Variants in PDZD7 observed in about 807,000 individuals in gnomAD.
PDZD7 encodes PDZ domain containing 7, also known as PDZ domain-containing protein 7.
Under a neutral mutation model 84.7 loss-of-function variants are expected in PDZD7, and 72 were observed. That is an observed-to-expected ratio of 0.85 (90% CI 0.70 to 1.03). PDZD7 has a LOEUF of 1.03. Among genes scored for constraint, PDZD7 ranks in the 50% least tolerant of loss-of-function variants. The probability of loss-of-function intolerance (pLI) is 0.00; values close to 1 mark genes in which losing one functional copy is unlikely to be tolerated. For missense variants in PDZD7, 1,490 were observed against 1,412.9 expected (o/e 1.05, Z -0.87); for synonymous variants, 594 against 580.7 (o/e 1.02, Z -0.33).
rs1194699047 is a variant in PDZD7 at position 101,023,459 on chromosome 10, C to T, written c.519G>A (p.Lys173=). The part of the protein sequence containing the change: ...VRRMGRVPGI[K]FSKEKTTWVD... ...ACCACGTGGTCTTCTCCTTGGAGAA[C>T]TTGATGCCCGGCACACGGCCCATGC... The change falls in exon 4 of 17, where the codon AAG becomes AAA. Residue 173 remains lysine, a synonymous_variant. Transcript: ENST00000619208. 2 of 1,613,958 alleles carry T rather than the reference C, an allele frequency of 1.2e-6. No homozygotes were observed. The highest frequency in any genetic ancestry group is 1.7e-6 in the Non-Finnish European group (2 of 1,180,022).
rs1554834939 is a variant in PDZD7 at position 101,018,307 on chromosome 10, G to A, written c.1325-11C>T. ...GCTGCTGCTTCTCCTCTGCAGACAC[G>A]AGGGAGCAACGGGGGAGCTGGAGGG... is the stretch of plus-strand genomic sequence containing the variant. On this transcript the variant is annotated splice_polypyrimidine_tract_variant and intron_variant, in intron 8 of 16. Coordinates refer to ENST00000619208, the MANE Select transcript of PDZD7 (RefSeq NM_001195263.2). 3 of 1,613,278 alleles carry A rather than the reference G, an allele frequency of 1.9e-6. No individual in the cohort carries two copies. Among genetic ancestry groups the A allele is most frequent in the South Asian group, 2.2e-5 (2 of 91,040 alleles).
chr10:101,010,370 G>A lies in PDZD7; in HGVS notation c.2519C>T (p.Ser840Leu), dbSNP rs1852352066. 2.6e-6 allele frequency: 4 copies of A among 1,536,134 alleles called. No homozygotes were observed. The highest frequency in any genetic ancestry group is 1.7e-4 in the Middle Eastern group (1 of 5,990). ...AAKVGAKQGP[S>L]ESGTEGTAKE... is the part of the protein sequence containing the mutation. The stretch of plus-strand genomic sequence containing the variant: ...GGCCGTCCCCTCAGTTCCACTCTCC[G>A]AGGGCCCTTGCTTGGCCCCCACCTT... The change falls in exon 15 of 17, where the codon TCG becomes TTG. Residue 840 changes from serine (S) to leucine (L), a missense_variant. Ser to Leu is a moderately radical substitution (Grantham distance 145). Coordinates refer to ENST00000619208, the MANE Select transcript of PDZD7 (RefSeq NM_001195263.2).
intron 9 of PDZD7, chr10:101,017,280 C>G: frequency 3.9e-6 from 1 of 254,362 alleles, no homozygotes; most frequent in Non-Finnish European, 7.4e-6. Flanking sequence ...CCCACAATAG[C>G]GAAGTCAACT....
intron 14 of PDZD7, chr10:101,011,094 G>A (rs1247113911): frequency 7.8e-6 from 11 of 1,407,708 alleles, no homozygotes; most frequent in Admixed American, 2.9e-5. Context: ...TTGCCCAGGC[G>A]TGGTGGCGCG....
chr10:101,008,242 T>C lies in PDZD7; in HGVS notation c.*225A>G. The C allele has an allele frequency of 1.8e-6, 1 of 556,804 alleles. No homozygotes were observed. The highest frequency in any genetic ancestry group is 3.1e-6 in the Non-Finnish European group (1 of 320,952). The allele number at this position is 556,804 out of a possible 1,614,324, so 34.5% of individuals were successfully genotyped here. A position where few individuals can be genotyped will look rare whatever the true frequency, so the allele number is the denominator to read the frequency against. On this transcript the variant is annotated 3_prime_UTR_variant, in exon 17 of 17. Transcript: ENST00000619208. ...GCTTGGGAGGTTGGGGAGCAGTGAG[T>C]GCAGGTGACACAGGCTGCCCACTAG...
At chr10:101,024,844 TG>T (rs1937610304) in intron 2 of PDZD7, among the ~76,000 whole-genome samples, 4 of 149,956 alleles carry the variant, frequency 2.7e-5, no homozygotes, top group African/African-American at 9.9e-5. Flanking sequence ...TATGTGTGTG[TG>T]TGTGTGTGTG....
In PDZD7 at chr10:101,010,826, T is replaced by G; in HGVS notation, c.2063A>C (p.Asn688Thr). 6.5e-7 allele frequency: 1 copy of G among 1,535,236 alleles called. No homozygotes were observed. Among genetic ancestry groups the G allele is most frequent in the Non-Finnish European group, 8.7e-7 (1 of 1,146,876 alleles). The change falls in exon 15 of 17, where the codon AAT becomes ACT. Residue 688 changes from asparagine to threonine, a missense_variant. By Grantham distance (65) the Asn-to-Thr change is moderately conservative (BLOSUM62 0). Transcript: ENST00000619208. ...CCCCAGCCGCTCCCTCAGCTCCCCA[T>G]TATCTTCCTCTTCCGGGAAGCCGTT... The part of the protein sequence containing the change: ...PVNGFPEEED[N>T]GELRERLGAL...
chr10:101,030,053 C>CG lies in PDZD7; in HGVS notation c.166dup (p.Arg56ProfsTer24), dbSNP rs587776894. 73 of 1,613,604 alleles carry CG rather than the reference C, an allele frequency of 4.5e-5. No individual in the cohort carries two copies. Among genetic ancestry groups the CG allele is most frequent in the Middle Eastern group, 1.7e-4 (1 of 5,982 alleles). On this transcript the variant is annotated frameshift_variant, in exon 2 of 17. Coordinates refer to ENST00000619208, the MANE Select transcript of PDZD7 (RefSeq NM_001195263.2). LOFTEE classifies it high-confidence loss of function. ...CATGGGCGATGAGGCTCGGATTCCG[C>CG]GGGGGGGCCCGTTCAGCAGCCGTTG...
chr10:101,021,374 C>T (rs1036330179), intron 6 of PDZD7, among the ~76,000 whole-genome samples: 4 of 152,268 alleles, frequency 2.6e-5, no homozygotes, highest in Admixed American at 1.3e-4. Context: ...ATGAATCCAG[C>T]CACCTCCCGT....
Position 101,015,716 on chromosome 10 carries a change from G to C in PDZD7, c.1669C>G (p.Arg557Gly). 6.5e-7 allele frequency: 1 copy of C among 1,550,256 alleles called. No homozygotes were observed. The highest frequency in any genetic ancestry group is 8.7e-7 in the Non-Finnish European group (1 of 1,146,950). ...GCCAGGTCCTGAATGAGGGGCCGCCGGCTCTCCCAGGCCTGAACCTGCTCA... is the reference window on the plus strand; with the variant it reads ...GCCAGGTCCTGAATGAGGGGCCGCCCGCTCTCCCAGGCCTGAACCTGCTCA... ...VDEQVQAWES[R>G]RPLIQDLAQR... is the part of the protein sequence containing the mutation. Residue 557 changes from arginine (R) to glycine (G), a missense_variant, in exon 11 of 17, where the codon CGG becomes GGG. Physicochemically the swap from Arg to Gly is moderately radical, Grantham distance 125. Transcript: ENST00000619208.
At position 101,016,412 on chromosome 10, in the gene PDZD7, G is replaced by C. The variant is rs572462059; in HGVS notation, c.1538C>G (p.Pro513Arg). The change falls in exon 10 of 17, where the codon CCG becomes CGG. Residue 513 changes from proline (P) to arginine (R), a missense_variant. Physicochemically the swap from Pro to Arg is moderately radical, Grantham distance 103. Transcript: ENST00000619208. The stretch of plus-strand genomic sequence containing the variant: ...TCTCCAGGTGACAAACTTCTGTACC[G>C]GGCCCACGCCCCCTGCTATGAAGAA... ...LDIEKAGGVG[P>R]VQKFVTWRLR... is the part of the protein sequence containing the mutation. 1 of 1,550,638 alleles carries C rather than the reference G, an allele frequency of 6.4e-7. No homozygotes were observed. The highest frequency in any genetic ancestry group is 8.7e-7 in the Non-Finnish European group (1 of 1,147,004).
intron 7 of PDZD7, among the ~76,000 whole-genome samples, chr10:101,019,777 C>T (rs1005674867): frequency 2.0e-5 from 3 of 151,778 alleles, no homozygotes; most frequent in African/African-American, 7.3e-5. Flanking sequence ...AGGTGCCCAC[C>T]ACCACACCCA....
At chr10:101,018,737 G>T in intron 8 of PDZD7, 85 bp downstream of exon 8, 1 of 1,458,398 alleles carries the variant, frequency 6.9e-7, no homozygotes, top group East Asian at 2.4e-5. Context: ...TGGGGCAAAG[G>T]GAGGTTTGAG....
intron 8 of PDZD7, 21 bp from the exon 9 acceptor site, chr10:101,018,317 C>A (rs746631541): frequency 6.4e-7 from 1 of 1,562,670 alleles, no homozygotes; most frequent in Non-Finnish European, 8.7e-7. Context: ...GAGGGAGCAA[C>A]GGGGGAGCTG....
At position 101,019,179 on chromosome 10, in the gene PDZD7, C is replaced by G. The variant is rs1852904274; in HGVS notation, c.967G>C (p.Glu323Gln). Reference protein sequence around the residue: ...GVLQQLSPASESSSSVSSCAS... With the variant: ...GVLQQLSPASQSSSSVSSCAS... Reference sequence around the variant, plus strand: ...CACGAAGAGACGCTGGAGCTGCTCTCAGAGGCCGGGGACAGCTGCTGCAGC... The same window carrying G: ...CACGAAGAGACGCTGGAGCTGCTCTGAGAGGCCGGGGACAGCTGCTGCAGC... The change falls in exon 8 of 17, where the codon GAG (glutamate) becomes CAG (glutamine). Residue 323 changes from glutamate (E) to glutamine (Q), a missense_variant. Physicochemically the swap from Glu to Gln is conservative, Grantham distance 29 (BLOSUM62 2). Transcript: ENST00000619208. 3 of 1,536,932 alleles carry G rather than the reference C, an allele frequency of 2.0e-6. No homozygotes were observed. Among genetic ancestry groups the G allele is most frequent in the Non-Finnish European group, 2.6e-6 (3 of 1,147,296 alleles).
intron 16 of PDZD7, 96 bp downstream of exon 16, chr10:101,009,153 TA>T: frequency 8.5e-7 from 1 of 1,173,324 alleles, no homozygotes; most frequent in Non-Finnish European, 1.2e-6. Context: ...CAACCCGGGC[TA>T]AACATGTCTG....
In PDZD7 at chr10:101,023,615, A is replaced by G. The variant is rs780705052; in HGVS notation, c.368-5T>C. On this transcript the variant is annotated splice_polypyrimidine_tract_variant and splice_region_variant and intron_variant, in intron 3 of 16. Transcript: ENST00000619208. Reference sequence around the variant, plus strand: ...CCACGCACAGGCCAGCCCGCTCTGCACCACAGGATGGGAGTGGCTGGCATG... The same window carrying G: ...CCACGCACAGGCCAGCCCGCTCTGCGCCACAGGATGGGAGTGGCTGGCATG... 2 of 1,610,986 alleles carry G rather than the reference A, an allele frequency of 1.2e-6. No individual in the cohort carries two copies. The highest frequency in any genetic ancestry group is 1.7e-6 in the Non-Finnish European group (2 of 1,179,964).
At chr10:101,030,487 G>A (rs530285083) in intron 1 of PDZD7, 103 bp from the exon 2 acceptor site, 12 of 613,808 alleles carry the variant, frequency 2.0e-5, no homozygotes, top group Non-Finnish European at 3.6e-5. Context: ...GCCCTCCCAT[G>A]CCTTAGGCCC....
At position 101,030,339 on chromosome 10, in the gene PDZD7, T is replaced by A; in HGVS notation, c.-120A>T. Reference sequence around the variant, plus strand: ...GTGCGGGGCTGGGGTCTCAGTAACGTGAAGGCCCTCGCTTGCGATGCCTCT... The same window carrying A: ...GTGCGGGGCTGGGGTCTCAGTAACGAGAAGGCCCTCGCTTGCGATGCCTCT... On this transcript the variant is annotated 5_prime_UTR_variant, in exon 2 of 17. Coordinates refer to ENST00000619208, the MANE Select transcript of PDZD7 (RefSeq NM_001195263.2). The A allele has an allele frequency of 1.2e-6, 1 of 859,814 alleles. No homozygotes were observed. Among genetic ancestry groups the A allele is most frequent in the South Asian group, 1.4e-5 (1 of 70,040 alleles). The allele number at this position is 859,814 out of a possible 1,614,324, so 53.3% of individuals were successfully genotyped here. A position where few individuals can be genotyped will look rare whatever the true frequency, so the allele number is the denominator to read the frequency against.
Sources: allele counts gnomAD v4.1 joint callset (sites outside exome capture counted in the v4.1 genomes callset), GRCh38; gene constraint gnomAD v4.1.1; transcripts MANE v1.5; gene names NCBI Gene and HGNC (gene_info 2026-07-23, HGNC 2026-07-21).